Variants in DIS3L2 observed in about 807,000 individuals in gnomAD.
The protein encoded by DIS3L2 is DIS3 like 3'-5' exoribonuclease 2.
In DIS3L2, 34 loss-of-function variants were observed where a neutral mutation model predicts 97.5. That is an observed-to-expected ratio of 0.35 (90% confidence interval 0.27 to 0.46). The LOEUF (loss-of-function observed/expected upper bound fraction) is 0.46, where lower values mean the gene tolerates loss of function less well. Ranked by LOEUF, DIS3L2 falls within the 20% of genes least tolerant of loss-of-function variation. The pLI is 1.00. For missense variants in DIS3L2, 1,038 were observed against 1,146.0 expected, an observed-to-expected ratio of 0.91 and a Z score of 1.36; for synonymous variants, 435 against 445.2, an observed-to-expected ratio of 0.98 and a Z score of 0.29.
chr2:232,134,096 A>G (rs182852047), intron 7 of DIS3L2, among the ~76,000 whole-genome samples: 1 of 152,208 alleles, frequency 6.6e-6, no homozygotes. Context: ...GAGATGACAC[A>G]GCAGAGAATC....
At chr2:232,318,182 T>C (rs548971069) in intron 14 of DIS3L2, among the ~76,000 whole-genome samples, 11 of 152,370 alleles carry the variant, frequency 7.2e-5, no homozygotes, top group Admixed American at 2.0e-4. Context: ...GAAGCTGGGC[T>C]CAAACAAGGG....
At chr2:232,029,712 G>T (rs1466094913) in intron 4 of DIS3L2, among the ~76,000 whole-genome samples, 1 of 152,030 alleles carries the variant, frequency 6.6e-6, no homozygotes, top group Admixed American at 6.6e-5. Flanking sequence ...TAGAGCCATT[G>T]CTACTCCTGC....
chr2:232,338,841 C>T (rs529603544), downstream of DIS3L2, among the ~76,000 whole-genome samples: 45 of 152,406 alleles, frequency 3.0e-4, no homozygotes, highest in Non-Finnish European at 4.0e-4. Flanking sequence ...GACCAGGCAC[C>T]GACCCTCATC....
chr2:232,076,812 C>T (rs1005755111), intron 5 of DIS3L2, among the ~76,000 whole-genome samples: 14 of 152,202 alleles, frequency 9.2e-5, no homozygotes, highest in African/African-American at 3.1e-4. Flanking sequence ...TATTTTCTCA[C>T]GTTTTCTAAA....
At chr2:232,091,078 C>G (rs944243080) in intron 6 of DIS3L2, among the ~76,000 whole-genome samples, 1 of 152,124 alleles carries the variant, frequency 6.6e-6, no homozygotes, top group Admixed American at 6.6e-5. Flanking sequence ...ACTCCCCAAT[C>G]CCCCTTTGAG....
intron 13 of DIS3L2, among the ~76,000 whole-genome samples, chr2:232,273,209 T>C (rs1326406691): frequency 6.6e-6 from 1 of 152,156 alleles, no homozygotes; most frequent in African/African-American, 2.4e-5. Flanking sequence ...TTTATACCTG[T>C]TACCTGTCTT....
At chr2:232,207,408 T>A (rs1206725253) in intron 9 of DIS3L2, among the ~76,000 whole-genome samples, 1 of 152,192 alleles carries the variant, frequency 6.6e-6, no homozygotes, top group African/African-American at 2.4e-5. Flanking sequence ...AACAAACATG[T>A]CTGAGGTGCA....
chr2:232,300,265 G>T lies in DIS3L2; in HGVS notation c.1739+146G>T, dbSNP rs1694821685. 9.8e-6 allele frequency: 7 copies of T among 714,966 alleles called. 1 individual carries two copies. The Admixed American group carries it at 1.8e-4, about 18-fold the overall frequency. 44.3% of individuals were successfully genotyped at this position (714,966 alleles called of 1,614,324 possible). A position where few individuals can be genotyped will look rare whatever the true frequency, so the allele number is the denominator to read the frequency against. ...ACTATACTAGAAAATAGCTGGCACA[G>T]AAATAGTCCTCTTGTAAGATCTCTT... On this transcript the variant is annotated intron_variant, in intron 14 of 20. Transcript: ENST00000325385.
chr2:232,224,092 T>C (rs895494264), intron 10 of DIS3L2, among the ~76,000 whole-genome samples: 1 of 152,074 alleles, frequency 6.6e-6, no homozygotes, highest in African/African-American at 2.4e-5. Flanking sequence ...ACCAAAAAAA[T>C]TGCCATGGAA....
intron 8 of DIS3L2, among the ~76,000 whole-genome samples, chr2:232,158,676 T>G (rs1318120127): frequency 6.6e-6 from 1 of 152,158 alleles, no homozygotes; most frequent in Non-Finnish European, 1.5e-5. Flanking sequence ...TTTTTTTCTT[T>G]TCCAAACAGC....
chr2:232,212,559 A>T (rs1692220562), intron 10 of DIS3L2, among the ~76,000 whole-genome samples: 1 of 152,220 alleles, frequency 6.6e-6, no homozygotes, highest in African/African-American at 2.4e-5. Flanking sequence ...GTGGTCAAAG[A>T]TATGATAGGA....
intron 8 of DIS3L2, among the ~76,000 whole-genome samples, chr2:232,157,772 T>C (rs1485367354): frequency 6.6e-6 from 1 of 152,208 alleles, no homozygotes; most frequent in East Asian, 1.9e-4. Flanking sequence ...CCTGCAAGAA[T>C]GGTATTCAGG....
chr2:232,167,879 G>A (rs1305011815), intron 9 of DIS3L2, among the ~76,000 whole-genome samples: 2 of 151,982 alleles, frequency 1.3e-5, no homozygotes, highest in East Asian at 1.9e-4. Flanking sequence ...GTGAAACCCT[G>A]TCTCACTAAA....
chr2:232,163,093 CTT>C (rs1321316961), intron 8 of DIS3L2, among the ~76,000 whole-genome samples: 3 of 152,100 alleles, frequency 2.0e-5, no homozygotes, highest in Non-Finnish European at 4.4e-5. Flanking sequence ...GTAAGCATGA[CTT>C]AACGTACAGG....
chr2:232,267,573 G>C (rs1230552664), intron 13 of DIS3L2, among the ~76,000 whole-genome samples: 1 of 152,170 alleles, frequency 6.6e-6, no homozygotes, highest in East Asian at 1.9e-4. Flanking sequence ...TGAAAAGGGA[G>C]CTCCCATAAC....
intron 9 of DIS3L2, among the ~76,000 whole-genome samples, chr2:232,183,739 G>A (rs1339656096): frequency 6.6e-6 from 1 of 152,226 alleles, no homozygotes; most frequent in African/African-American, 2.4e-5. Flanking sequence ...AAATACTGCT[G>A]AATGTTTTTG....
At chr2:232,212,792 TA>T (rs1353999562) in intron 10 of DIS3L2, among the ~76,000 whole-genome samples, 2 of 151,896 alleles carry the variant, frequency 1.3e-5, no homozygotes, top group South Asian at 4.2e-4. Context: ...GCAAAATCAA[TA>T]GGGGGGGTTG....
chr2:232,174,230 T>C (rs1691080621), intron 9 of DIS3L2, among the ~76,000 whole-genome samples: 1 of 152,186 alleles, frequency 6.6e-6, no homozygotes, highest in Admixed American at 6.5e-5. Flanking sequence ...AATTATTTAT[T>C]GCTAATGTTT....
At chr2:232,334,273 G>A (rs1043583360) in intron 17 of DIS3L2, 96 bp from the exon 18 acceptor site, 2 of 1,447,934 alleles carry the variant, frequency 1.4e-6, no homozygotes, top group African/African-American at 1.4e-5. Context: ...GTCCTAATCT[G>A]TCGGCGGGGG....
Sources: allele counts gnomAD v4.1 joint callset (sites outside exome capture counted in the v4.1 genomes callset), GRCh38; gene constraint gnomAD v4.1.1; transcripts MANE v1.5; gene names NCBI Gene and HGNC (gene_info 2026-07-23, HGNC 2026-07-21).